Variants in DST observed in about 807,000 individuals in gnomAD.
DST encodes the protein dystonin.
A neutral mutation model predicts 875.2 loss-of-function variants in DST; 253 were observed. The ratio of observed to expected loss-of-function variants is 0.29; its 90% CI spans 0.26 to 0.32. The LOEUF (loss-of-function observed/expected upper bound fraction) is 0.32. DST is among the 10% of genes least tolerant of loss of function. The pLI is 1.00. For synonymous variants in DST, 3,124 were observed against 3,197.1 expected, an observed-to-expected ratio of 0.98 and a Z score of 0.77; for missense variants, 8,287 against 9,111.6, an observed-to-expected ratio of 0.91 and a Z score of 3.68.
chr6:56,679,701 G>C (rs1289693206), intron 9 of DST, among the ~76,000 whole-genome samples: 1 of 151,836 alleles, frequency 6.6e-6, no homozygotes, highest in Admixed American at 6.6e-5. Flanking sequence ...GGGCCCAGGA[G>C]GTCAAGGTTG....
rs1241569965 is a variant in DST at position 56,688,727 on chromosome 6, G to A, written c.1047+10926C>T. ...ATCACCCCAGGTGACTAATTCTCAGGTGACTAACTTTACAGCCATGGTCCC... is the reference window on the plus strand; with the variant it reads ...ATCACCCCAGGTGACTAATTCTCAGATGACTAACTTTACAGCCATGGTCCC... On this transcript the variant is annotated intron_variant, in intron 9 of 103. Transcript: ENST00000680361. Among the ~76,000 whole-genome samples, 8 of 152,238 alleles carry A rather than the reference G, an allele frequency of 5.3e-5. No individual in the cohort carries two copies. In the East Asian group the frequency reaches 1.2e-3, roughly 22 times the overall value.
At position 56,606,334 on chromosome 6, in the gene DST, C is replaced by T. The variant is rs1208663117; in HGVS notation, c.8294G>A (p.Trp2765Ter). 1 of 1,612,228 alleles carries T rather than the reference C, an allele frequency of 6.2e-7. No homozygotes were observed. Among genetic ancestry groups the T allele is most frequent in the Non-Finnish European group, 8.5e-7 (1 of 1,179,056 alleles). The change falls in exon 40 of 104, where the codon TGG becomes TAG. Residue 2765 changes from tryptophan to a stop codon, truncating the protein, a stop_gained. Transcript: ENST00000680361. LOFTEE classifies it high-confidence loss of function. ...TACATACTCTTCCTTTCTTCCTCTC[C>T]AACTGCCACTGTCATCAAATTTTAA... Reference protein sequence around the residue: ...ASLKFDDSGSWRGRKEEYVTG... With the variant: ...ASLKFDDSGS
intron 7 of DST, among the ~76,000 whole-genome samples, chr6:56,702,532 T>A (rs1297095053): frequency 6.6e-6 from 1 of 152,056 alleles, no homozygotes; most frequent in Non-Finnish European, 1.5e-5. Context: ...GAAAACCAAT[T>A]AAAACCATAT....
At chr6:56,763,684 T>TACACAC (rs553580754) in intron 4 of DST, among the ~76,000 whole-genome samples, 28,509 of 116,762 alleles carry the variant, frequency 0.24, 3,688 homozygotes, top group Non-Finnish European at 0.25. Flanking sequence ...AAAATACCTA[T>TACACAC]ACACACACAC....
intron 9 of DST, chr6:56,692,440 TG>T: frequency 1.6e-6 from 2 of 1,289,490 alleles, no homozygotes; most frequent in South Asian, 2.5e-5. Flanking sequence ...ATAAAGGGAA[TG>T]GCATCTCTTT....
intron 4 of DST, among the ~76,000 whole-genome samples, chr6:56,757,547 A>T (rs749826271): frequency 4.0e-4 from 61 of 152,312 alleles, no homozygotes; most frequent in Non-Finnish European, 5.6e-4. Flanking sequence ...TGATGGGGAC[A>T]CATGGTAGCC....
intron 3 of DST, among the ~76,000 whole-genome samples, chr6:56,855,322 C>T (rs1039544640): frequency 1.3e-5 from 2 of 152,082 alleles, no homozygotes; most frequent in Non-Finnish European, 2.9e-5. Flanking sequence ...AAAATATCAC[C>T]AAACTTCTAA....
chr6:56,842,597 A>G (rs974879629), intron 4 of DST, among the ~76,000 whole-genome samples: 1 of 152,164 alleles, frequency 6.6e-6, no homozygotes, highest in African/African-American at 2.4e-5. Flanking sequence ...TATAGTCACA[A>G]ACTTTATCAA....
At chr6:56,848,268 G>C (rs987797942) in intron 4 of DST, among the ~76,000 whole-genome samples, 2 of 152,172 alleles carry the variant, frequency 1.3e-5, no homozygotes, top group Admixed American at 1.3e-4. Context: ...GTATCCCACA[G>C]ACCACATAGT....
At chr6:56,833,201 T>C (rs2099789443) in intron 4 of DST, among the ~76,000 whole-genome samples, 1 of 152,210 alleles carries the variant, frequency 6.6e-6, no homozygotes. Flanking sequence ...TTCTAAAATA[T>C]GTTAACAGAA....
chr6:56,716,963 C>G (rs1317223189), intron 5 of DST, among the ~76,000 whole-genome samples: 1 of 152,082 alleles, frequency 6.6e-6, no homozygotes, highest in Non-Finnish European at 1.5e-5. Flanking sequence ...GGGCGGATCA[C>G]GAGGTCAGGA....
At chr6:56,484,473 A>G (rs1016359892) in intron 88 of DST, 1 of 152,190 alleles carries the variant, frequency 6.6e-6, no homozygotes, top group African/African-American at 2.4e-5. Flanking sequence ...AAAATAGCAT[A>G]ACCAATATAA....
chr6:56,498,050 G>A lies in DST; in HGVS notation c.19900C>T (p.Leu6634Phe). The change falls in exon 81 of 104, where the codon CTC becomes TTC. Residue 6634 changes from leucine (L) to phenylalanine (F), a missense_variant. This residue lies in a region of DST where 1,292 missense variants were observed against 1,552.7 expected (regional missense o/e 0.83). Transcript: ENST00000680361. ...TGATGGGCTAATACATCATTTTGGA[G>A]CACCTGAAAATATAAAGATAACACC... ...IEIELAKHHVLQNDVLAHQST... is the reference protein window; with the variant it reads ...IEIELAKHHVFQNDVLAHQST... 1.9e-6 allele frequency: 3 copies of A among 1,610,168 alleles called. No individual in the cohort carries two copies. Among genetic ancestry groups the A allele is most frequent in the Non-Finnish European group, 2.5e-6 (3 of 1,178,008 alleles).
intron 2 of DST, among the ~76,000 whole-genome samples, chr6:56,948,832 T>C (rs1397400918): frequency 3.3e-5 from 5 of 152,228 alleles, no homozygotes; most frequent in African/African-American, 1.2e-4. Context: ...CTTAAGCACC[T>C]AGAAGACAGG....
chr6:56,551,701 T>G (rs1311749332), intron 61 of DST, among the ~76,000 whole-genome samples: 1 of 152,208 alleles, frequency 6.6e-6, no homozygotes, highest in African/African-American at 2.4e-5. Context: ...AACATGGAAC[T>G]CCATATTGCC....
chr6:56,836,075 A>C (rs1224735923), intron 4 of DST, among the ~76,000 whole-genome samples: 1 of 152,236 alleles, frequency 6.6e-6, no homozygotes, highest in Non-Finnish European at 1.5e-5. Context: ...TTTGACTTCC[A>C]AAATCTAATA....
chr6:56,844,296 G>T (rs1055892805), intron 4 of DST, among the ~76,000 whole-genome samples: 1 of 152,272 alleles, frequency 6.6e-6, no homozygotes, highest in East Asian at 1.9e-4. Flanking sequence ...CGAGGCTGCC[G>T]AGTACCAGCC....
chr6:56,931,610 C>T (rs1810242478), intron 2 of DST, among the ~76,000 whole-genome samples: 1 of 152,206 alleles, frequency 6.6e-6, no homozygotes, highest in Admixed American at 6.5e-5. Flanking sequence ...GGAGGCTGTA[C>T]CCTTCAAAGC....
chr6:56,713,657 C>T (rs1302486947), intron 5 of DST, among the ~76,000 whole-genome samples: 4 of 152,166 alleles, frequency 2.6e-5, no homozygotes, highest in Admixed American at 6.5e-5. Context: ...GTGCAGACAC[C>T]TTCTGGTCAT....
Sources: allele counts gnomAD v4.1 joint callset (sites outside exome capture counted in the v4.1 genomes callset), GRCh38; gene constraint gnomAD v4.1.1; regional missense constraint gnomAD v4.1.1; transcripts MANE v1.5; gene names NCBI Gene and HGNC (gene_info 2026-07-23, HGNC 2026-07-21).